The following ZPBP variants were observed in gnomAD, a reference collection of about 807,000 sequenced individuals.
The protein encoded by ZPBP is zona pellucida-binding protein 1.
Under a neutral mutation model 44.8 loss-of-function variants are expected in ZPBP, and 26 were observed. That is an observed-to-expected ratio of 0.58 (90% CI 0.43 to 0.81). The LOEUF (loss-of-function observed/expected upper bound fraction) is 0.81, where lower values mean the gene tolerates loss of function less well. Ranked by LOEUF, ZPBP falls within the 30% of genes least tolerant of loss-of-function variation. The pLI is 0.00. For missense variants in ZPBP, 409 were observed against 434.0 expected (o/e 0.94, Z 0.51); for synonymous variants, 174 against 153.2 (o/e 1.14, Z -1.00).
intron 7 of ZPBP, among the ~76,000 whole-genome samples, chr7:49,982,229 TATATA>T (rs1367914398): frequency 4.8e-5 from 5 of 104,272 alleles, no homozygotes; most frequent in African/African-American, 7.6e-5. Flanking sequence ...TAATATATAA[TATATA>T]ATATAATTAT....
chr7:50,040,463 C>T (rs1276834182), intron 4 of ZPBP, among the ~76,000 whole-genome samples: 1 of 152,138 alleles, frequency 6.6e-6, no homozygotes, highest in African/African-American at 2.4e-5. Context: ...AACTGAGGTA[C>T]CTGGTTCATC....
chr7:50,010,942 A>G (rs1161796779), intron 6 of ZPBP, among the ~76,000 whole-genome samples: 2 of 150,420 alleles, frequency 1.3e-5, no homozygotes, highest in African/African-American at 4.9e-5. Flanking sequence ...ATCTGGAGTC[A>G]TCACATTACC....
intron 2 of ZPBP, among the ~76,000 whole-genome samples, chr7:49,884,530 C>T (rs973903303): frequency 6.6e-6 from 1 of 152,118 alleles, no homozygotes; most frequent in African/African-American, 2.4e-5. Context: ...TCCTGGGATC[C>T]ACTGAAGTTC....
chr7:49,961,324 G>A (rs1214866947), intron 7 of ZPBP, among the ~76,000 whole-genome samples: 1 of 152,102 alleles, frequency 6.6e-6, no homozygotes, highest in Non-Finnish European at 1.5e-5. Context: ...CAAAATGGAT[G>A]AATCTCAAAA....
At chr7:49,982,451 C>G (rs568090022) in intron 7 of ZPBP, among the ~76,000 whole-genome samples, 108 of 145,148 alleles carry the variant, frequency 7.4e-4, no homozygotes, top group African/African-American at 2.6e-3. Flanking sequence ...TATTCTATTT[C>G]CTAATATTCC....
intron 1 of ZPBP, chr7:49,913,834 A>G (rs892160175): frequency 6.6e-6 from 1 of 152,188 alleles, no homozygotes; most frequent in Non-Finnish European, 1.5e-5. Flanking sequence ...TACATCTATC[A>G]TAATTGAAAA....
At chr7:50,043,733 T>A (rs1015019079) in intron 4 of ZPBP, among the ~76,000 whole-genome samples, 1 of 152,126 alleles carries the variant, frequency 6.6e-6, no homozygotes, top group Non-Finnish European at 1.5e-5. Context: ...CTTTAAGACC[T>A]CACTGTCAAT....
At chr7:49,872,198 T>C (rs1231869164) in intron 2 of ZPBP, among the ~76,000 whole-genome samples, 1 of 152,066 alleles carries the variant, frequency 6.6e-6, no homozygotes, top group Non-Finnish European at 1.5e-5. Context: ...TTGGTCACAT[T>C]TAAGGAGAGA....
chr7:49,898,135 ATGTG>A lies in ZPBP; in HGVS notation n.509+2979_509+2982del, dbSNP rs1189734778. ...TATATGTGTGTGTGTGTGTGTATGT[ATGTG>A]TGTGTGTATATATATGTGTATGCTT... On this transcript the variant is annotated intron_variant and non_coding_transcript_variant, in intron 2 of 2. Coordinates refer to the ZPBP transcript ENST00000465922. Among the ~76,000 whole-genome samples, 7 of 151,514 alleles carry A rather than the reference ATGTG, an allele frequency of 4.6e-5. 1 individual carries two copies. The South Asian group carries it at 8.4e-4, about 18-fold the overall frequency.
intron 7 of ZPBP, among the ~76,000 whole-genome samples, chr7:49,980,934 G>A (rs1796833567): frequency 6.6e-6 from 1 of 151,362 alleles, no homozygotes; most frequent in Non-Finnish European, 1.5e-5. Flanking sequence ...TCATAAAATA[G>A]ACTACTGACT....
At chr7:50,001,971 C>A (rs150846593) in intron 6 of ZPBP, among the ~76,000 whole-genome samples, 1 of 152,046 alleles carries the variant, frequency 6.6e-6, no homozygotes, top group African/African-American at 2.4e-5. Flanking sequence ...GTGGCGCAAC[C>A]GAGGCAGCCT....
chr7:50,005,752 A>G (rs967555026), intron 6 of ZPBP, among the ~76,000 whole-genome samples: 1 of 151,730 alleles, frequency 6.6e-6, no homozygotes, highest in Non-Finnish European at 1.5e-5. Flanking sequence ...AAAACCCCAA[A>G]ATGTCAATAG....
At chr7:49,882,326 T>C (rs1274684309) in intron 2 of ZPBP, among the ~76,000 whole-genome samples, 3 of 152,160 alleles carry the variant, frequency 2.0e-5, no homozygotes, top group Non-Finnish European at 2.9e-5. Context: ...TGTTAGCACA[T>C]GGCAATAAAA....
At chr7:50,026,230 T>C (rs1799317703) in intron 5 of ZPBP, among the ~76,000 whole-genome samples, 1 of 151,070 alleles carries the variant, frequency 6.6e-6, no homozygotes, top group African/African-American at 2.4e-5. Flanking sequence ...AAAGGGCCAA[T>C]CTATTAAAGA....
At chr7:50,011,662 A>T (rs1374555555) in intron 6 of ZPBP, among the ~76,000 whole-genome samples, 3 of 152,208 alleles carry the variant, frequency 2.0e-5, no homozygotes, top group Non-Finnish European at 4.4e-5. Context: ...GTCTTTAACC[A>T]AAACAGAATT....
At chr7:49,981,405 A>T (rs998806240) in intron 7 of ZPBP, among the ~76,000 whole-genome samples, 33 of 46,064 alleles carry the variant, frequency 7.2e-4, no homozygotes, top group South Asian at 2.7e-3. Flanking sequence ...TTATATATAA[A>T]ATATATATAA....
chr7:50,031,325 C>G lies in ZPBP; in HGVS notation c.488-15G>C, dbSNP rs1351691. The G allele has an allele frequency of 0.77, 1,236,045 of 1,595,370 alleles. 480,253 individuals carry two copies. Among genetic ancestry groups the G allele is most frequent in the East Asian group, 0.88 (39,015 of 44,520 alleles). ...CTCACGATAAGCTGTAAAAAATTAA[C>G]AAGAGAAAGACACAAAAATGGTTAT... On this transcript the variant is annotated splice_polypyrimidine_tract_variant and intron_variant, in intron 4 of 7. Transcript: ENST00000046087.
At chr7:49,959,537 T>C (rs1468927586) in intron 7 of ZPBP, among the ~76,000 whole-genome samples, 1 of 152,140 alleles carries the variant, frequency 6.6e-6, no homozygotes, top group Non-Finnish European at 1.5e-5. Flanking sequence ...AACATTCTTA[T>C]GAATAAATCT....
Position 50,031,105 on chromosome 7 carries a change from G to T in ZPBP, c.693C>A (p.Phe231Leu), listed in dbSNP as rs571890900. 6.2e-7 allele frequency: 1 copy of T among 1,613,358 alleles called. No homozygotes were observed. The highest frequency in any genetic ancestry group is 8.5e-7 in the Non-Finnish European group (1 of 1,179,722). Residue 231 changes from phenylalanine (F) to leucine (L), a missense_variant, in exon 5 of 8, where the codon TTC becomes TTA. Phe to Leu is a conservative substitution (Grantham distance 22). Around this residue, in one of 2 missense-constraint regions of ZPBP, gnomAD observed 367 missense variants for 363.1 expected, o/e 1.01. Transcript: ENST00000046087. ...MQRAGLQNEL[F>L]FAFSVSSLDT... Reference sequence around the variant, plus strand: ...GTATAGACTTACCTGAAAATGCAAAGAACAATTCATTTTGCAAACCAGCTC... The same window carrying T: ...GTATAGACTTACCTGAAAATGCAAATAACAATTCATTTTGCAAACCAGCTC...
Sources: gnomAD v4.1 joint callset for allele counts (sites outside exome capture counted in the v4.1 genomes callset) on GRCh38, gnomAD v4.1.1 for gene constraint, gnomAD v4.1.1 regional missense constraint, MANE v1.5 for transcripts, NCBI Gene and HGNC (gene_info 2026-07-23, HGNC 2026-07-21) for gene names.